RIPOR2: variants seen among roughly 807,000 people sequenced by gnomAD.
The protein encoded by RIPOR2 is RHO family interacting cell polarization regulator 2, also known as rho family-interacting cell polarization regulator 2.
RIPOR2 carries 39 observed loss-of-function variants against 114.5 expected under a neutral mutation model. The observed-to-expected ratio is 0.34, with a 90% CI of 0.26 to 0.44. RIPOR2 has a LOEUF of 0.44. RIPOR2 is among the 20% of genes least tolerant of loss of function. The probability of loss-of-function intolerance (pLI) is 1.00; values close to 1 mark genes in which losing one functional copy is unlikely to be tolerated. For synonymous variants in RIPOR2, 445 were observed against 484.4 expected, an observed-to-expected ratio of 0.92 and a Z score of 1.07; for missense variants, 1,007 against 1,255.1, an observed-to-expected ratio of 0.80 and a Z score of 2.99.
intron 1 of RIPOR2, among the ~76,000 whole-genome samples, chr6:24,950,355 C>G (rs1169426722): frequency 6.6e-6 from 1 of 152,220 alleles, no homozygotes; most frequent in African/African-American, 2.4e-5. Flanking sequence ...TCCTCCCTCC[C>G]TCCCTCCTAT....
intron 1 of RIPOR2, among the ~76,000 whole-genome samples, chr6:24,907,695 C>T (rs1769127576): frequency 6.6e-6 from 1 of 152,180 alleles, no homozygotes; most frequent in Non-Finnish European, 1.5e-5. Context: ...TGAAGGTTTC[C>T]ATATGCATAA....
intron 7 of RIPOR2, among the ~76,000 whole-genome samples, chr6:24,865,014 C>T (rs1157766484): frequency 6.6e-6 from 1 of 152,168 alleles, no homozygotes; most frequent in East Asian, 1.9e-4. Context: ...GTGGCGCGAT[C>T]GTAGCTCACC....
chr6:24,942,692 T>G (rs1670235238), intron 1 of RIPOR2, among the ~76,000 whole-genome samples: 1 of 152,264 alleles, frequency 6.6e-6, no homozygotes, highest in Non-Finnish European at 1.5e-5. Context: ...CATATGTCTT[T>G]TGGCTATATA....
intron 1 of RIPOR2, among the ~76,000 whole-genome samples, chr6:25,031,749 A>G (rs1488279738): frequency 6.8e-5 from 5 of 74,048 alleles, no homozygotes; most frequent in Non-Finnish European, 1.2e-4. Flanking sequence ...ATATATATAT[A>G]TAAAATATCC....
chr6:24,900,008 A>G (rs1481491748), intron 1 of RIPOR2, among the ~76,000 whole-genome samples: 3 of 152,348 alleles, frequency 2.0e-5, no homozygotes, highest in Admixed American at 6.5e-5. Flanking sequence ...CTTCTTGATT[A>G]TAATAGAAGC....
At chr6:24,811,526 T>TC (rs1057047472) in intron 20 of RIPOR2, among the ~76,000 whole-genome samples, 1 of 151,888 alleles carries the variant, frequency 6.6e-6, no homozygotes, top group Non-Finnish European at 1.5e-5. Context: ...CATGAGCCAC[T>TC]GCACCTGGCC....
chr6:24,962,327 G>A (rs769896589), intron 1 of RIPOR2, among the ~76,000 whole-genome samples: 2 of 152,178 alleles, frequency 1.3e-5, no homozygotes, highest in African/African-American at 4.8e-5. Context: ...GAAGAGATAA[G>A]TAAAAAGCTA....
At chr6:25,028,903 C>A (rs746833124) in intron 1 of RIPOR2, among the ~76,000 whole-genome samples, 3 of 152,162 alleles carry the variant, frequency 2.0e-5, no homozygotes, top group African/African-American at 7.2e-5. Flanking sequence ...TAAGGAAAGG[C>A]CCTGAGAATG....
At chr6:24,875,238 C>T (rs1765602061) in intron 2 of RIPOR2, among the ~76,000 whole-genome samples, 1 of 151,494 alleles carries the variant, frequency 6.6e-6, no homozygotes, top group African/African-American at 2.5e-5. Flanking sequence ...TTAAGTTCCC[C>T]TAAGTCCTGT....
intron 9 of RIPOR2, among the ~76,000 whole-genome samples, chr6:24,851,753 A>G (rs1178076866): frequency 6.6e-6 from 1 of 152,004 alleles, no homozygotes. Flanking sequence ...GATCAGGAAA[A>G]AAAAAAAAAA....
intron 8 of RIPOR2, among the ~76,000 whole-genome samples, chr6:24,854,817 C>CAGG (rs1277548847): frequency 6.6e-6 from 1 of 152,064 alleles, no homozygotes; most frequent in Non-Finnish European, 1.5e-5. Flanking sequence ...CACCTGAGGT[C>CAGG]AGGAGTTCCA....
chr6:25,012,059 A>T (rs1427767627), intron 1 of RIPOR2, among the ~76,000 whole-genome samples: 1 of 152,230 alleles, frequency 6.6e-6, no homozygotes, highest in Non-Finnish European at 1.5e-5. Flanking sequence ...CCAAATTTTT[A>T]AAATGGGTAA....
intron 1 of RIPOR2, chr6:25,041,701 A>T: frequency 1.7e-6 from 1 of 587,930 alleles, no homozygotes; most frequent in Non-Finnish European, 3.0e-6. Context: ...AAAATACCAA[A>T]GTCCATTGGA....
intron 1 of RIPOR2, among the ~76,000 whole-genome samples, chr6:24,973,969 A>G (rs1773915279): frequency 6.6e-6 from 1 of 152,196 alleles, no homozygotes; most frequent in Non-Finnish European, 1.5e-5. Flanking sequence ...GAGAGGGATA[A>G]GGGTTGAAAA....
intron 1 of RIPOR2, among the ~76,000 whole-genome samples, chr6:24,933,660 A>G (rs550514621): frequency 6.6e-6 from 1 of 152,374 alleles, no homozygotes; most frequent in South Asian, 2.1e-4. Flanking sequence ...AACATTATGC[A>G]TCTACTATGA....
chr6:24,914,453 G>A (rs1003476102), intron 1 of RIPOR2, among the ~76,000 whole-genome samples: 4 of 152,244 alleles, frequency 2.6e-5, no homozygotes, highest in African/African-American at 7.2e-5. Flanking sequence ...CCGGAGGTAA[G>A]CCCAGTAGTT....
At chr6:24,838,492 C>T (rs1222938689) in intron 14 of RIPOR2, among the ~76,000 whole-genome samples, 4 of 152,030 alleles carry the variant, frequency 2.6e-5, no homozygotes, top group Admixed American at 2.6e-4. Context: ...ACACTGAACC[C>T]TATAAGACAC....
Position 24,935,822 on chromosome 6 carries a change from A to G in RIPOR2, c.61+16T>C. The G allele has an allele frequency of 4.6e-6, 7 of 1,530,044 alleles. No homozygotes were observed. The highest frequency in any genetic ancestry group is 5.3e-6 in the Non-Finnish European group (6 of 1,141,814). The allele number at this position is 1,530,044 out of a possible 1,614,324, so 94.8% of individuals were successfully genotyped here. ...AAAGCAGACCGGAGAGCCTCCTGCC[A>G]GAAAGATGCATTTACCTTCACCAAA... On this transcript the variant is annotated intron_variant, in intron 1 of 21. Transcript: ENST00000643898.
At chr6:25,005,745 T>TATACACA (rs1775537764) in intron 1 of RIPOR2, among the ~76,000 whole-genome samples, 1 of 51,770 alleles carries the variant, frequency 1.9e-5, no homozygotes, top group Non-Finnish European at 5.2e-5. Flanking sequence ...ATATATACAT[T>TATACACA]TACCGATCAA....
Sources: allele counts gnomAD v4.1 joint callset (sites outside exome capture counted in the v4.1 genomes callset), GRCh38; gene constraint gnomAD v4.1.1; transcripts MANE v1.5; gene names NCBI Gene and HGNC (gene_info 2026-07-23, HGNC 2026-07-21).